Variants in MYO16 observed in about 807,000 individuals in gnomAD.
The protein encoded by MYO16 is unconventional myosin-XVI.
A neutral mutation model predicts 205.3 loss-of-function variants in MYO16; 94 were observed. The observed-to-expected ratio is 0.46, with a 90% CI of 0.39 to 0.54. MYO16 has a LOEUF of 0.54. Among genes scored for constraint, MYO16 ranks in the 20% least tolerant of loss-of-function variants. MYO16 has a pLI of 0.00. For synonymous variants in MYO16, 988 were observed against 954.0 expected, an observed-to-expected ratio of 1.04 and a Z score of -0.66; for missense variants, 2,315 against 2,387.5, an observed-to-expected ratio of 0.97 and a Z score of 0.63.
chr13:109,158,256 T>TGTC (rs1427145073), intron 32 of MYO16, among the ~76,000 whole-genome samples: 1 of 152,206 alleles, frequency 6.6e-6, no homozygotes, highest in East Asian at 1.9e-4. Context: ...TTATGCTCCC[T>TGTC]GTCTTTCTCC....
chr13:108,685,526 T>C (rs886633795), intron 2 of MYO16, among the ~76,000 whole-genome samples: 1 of 152,188 alleles, frequency 6.6e-6, no homozygotes, highest in Admixed American at 6.5e-5. Context: ...GAAGTGTTTG[T>C]GTTGAGTGTT....
At chr13:108,535,104 T>C in the MYO16 span, among the ~76,000 whole-genome samples, 2 of 150,176 alleles carry the variant, frequency 1.3e-5, no homozygotes, top group Admixed American at 6.7e-5. Flanking sequence ...CTTCCCTCCT[T>C]CTCCTCCTCC....
At chr13:108,798,595 C>T (rs1026673802) in intron 6 of MYO16, among the ~76,000 whole-genome samples, 4 of 150,824 alleles carry the variant, frequency 2.7e-5, no homozygotes, top group Admixed American at 6.6e-5. Context: ...AATATTAATG[C>T]GATAACTGGC....
intron 14 of MYO16, among the ~76,000 whole-genome samples, chr13:108,893,793 C>T (rs1332931856): frequency 6.6e-6 from 1 of 152,072 alleles, no homozygotes; most frequent in Non-Finnish European, 1.5e-5. Flanking sequence ...CTGTACATTC[C>T]ACTGAGAGAG....
chr13:109,086,877 G>C (rs569533137), intron 27 of MYO16, among the ~76,000 whole-genome samples: 3 of 152,170 alleles, frequency 2.0e-5, no homozygotes, highest in African/African-American at 7.2e-5. Context: ...TGATCATTCT[G>C]ATATGTTCTG....
intron 16 of MYO16, among the ~76,000 whole-genome samples, chr13:108,947,185 C>T (rs144415950): frequency 2.6e-5 from 4 of 152,218 alleles, no homozygotes; most frequent in Non-Finnish European, 4.4e-5. Flanking sequence ...CTATGTTAGT[C>T]GGTATTTAAG....
chr13:108,496,274 C>A, the MYO16 span, among the ~76,000 whole-genome samples: 29 of 152,328 alleles, frequency 1.9e-4, no homozygotes, highest in Non-Finnish European at 3.5e-4. Context: ...CTGGCCATTT[C>A]GAGGGACGCG....
intron 7 of MYO16, among the ~76,000 whole-genome samples, chr13:108,816,910 C>G (rs1875644623): frequency 6.6e-6 from 1 of 152,020 alleles, no homozygotes; most frequent in Admixed American, 6.5e-5. Context: ...AATAAATGGA[C>G]AAGAAATTAT....
intron 7 of MYO16, among the ~76,000 whole-genome samples, chr13:108,819,470 TGGTTAG>T (rs1435426846): frequency 2.6e-5 from 4 of 152,084 alleles, no homozygotes; most frequent in Non-Finnish European, 5.9e-5. Flanking sequence ...AAGATATTAA[TGGTTAG>T]CCGAAAAGTC....
intron 22 of MYO16, among the ~76,000 whole-genome samples, chr13:109,018,316 T>C (rs1594473197): frequency 6.9e-6 from 1 of 144,288 alleles, no homozygotes; most frequent in Non-Finnish European, 1.5e-5. Context: ...ACAGCAAATA[T>C]TGCAGAACAG....
At chr13:109,024,733 A>C (rs1886304844) in intron 23 of MYO16, among the ~76,000 whole-genome samples, 1 of 152,122 alleles carries the variant, frequency 6.6e-6, no homozygotes, top group Admixed American at 6.6e-5. Flanking sequence ...TGGTTTTATA[A>C]AAATCTTTTA....
chr13:109,132,572 G>T (rs1025854438), intron 31 of MYO16, among the ~76,000 whole-genome samples: 11 of 152,264 alleles, frequency 7.2e-5, no homozygotes, highest in African/African-American at 2.4e-4. Context: ...CATTAAAAGA[G>T]AATTTGCTTC....
chr13:109,049,586 T>A (rs946977737), intron 24 of MYO16, among the ~76,000 whole-genome samples: 33 of 52,750 alleles, frequency 6.3e-4, no homozygotes, highest in African/African-American at 1.9e-3. Flanking sequence ...CTTTTTAAAT[T>A]TTTTTTTGTA....
At chr13:109,163,400 AG>A (rs2139872661) in intron 32 of MYO16, among the ~76,000 whole-genome samples, 1 of 152,294 alleles carries the variant, frequency 6.6e-6, no homozygotes, top group Non-Finnish European at 1.5e-5. Context: ...AGGAGTTAAG[AG>A]GGACCAAGTC....
At chr13:108,933,856 C>G (rs904281341) in intron 16 of MYO16, among the ~76,000 whole-genome samples, 1 of 152,046 alleles carries the variant, frequency 6.6e-6, no homozygotes, top group Non-Finnish European at 1.5e-5. Context: ...GTGATATTTG[C>G]TTTTCTGTTT....
intron 27 of MYO16, among the ~76,000 whole-genome samples, chr13:109,089,316 C>A (rs993764774): frequency 6.6e-6 from 1 of 151,898 alleles, no homozygotes; most frequent in Admixed American, 6.6e-5. Flanking sequence ...TGGGTTCCAG[C>A]GATTCTCCTG....
intron 10 of MYO16, among the ~76,000 whole-genome samples, chr13:108,853,827 C>G (rs1305974052): frequency 6.6e-6 from 1 of 151,728 alleles, no homozygotes; most frequent in African/African-American, 2.4e-5. Flanking sequence ...ATTGTGTTTC[C>G]TGCTTATAGA....
At chr13:108,782,956 A>C (rs1384590399) in intron 4 of MYO16, among the ~76,000 whole-genome samples, 2 of 152,338 alleles carry the variant, frequency 1.3e-5, no homozygotes, top group East Asian at 3.9e-4. Context: ...CGAGGCCCTC[A>C]TGGAGAACCT....
the MYO16 span, among the ~76,000 whole-genome samples, chr13:108,566,588 T>C: frequency 6.6e-6 from 1 of 150,766 alleles, no homozygotes; most frequent in Non-Finnish European, 1.5e-5. Context: ...GCAGAGATCA[T>C]GCCGTTGCAC....
Sources: gnomAD v4.1 joint callset for allele counts (sites outside exome capture counted in the v4.1 genomes callset) on GRCh38, gnomAD v4.1.1 for gene constraint, MANE v1.5 for transcripts, NCBI Gene and HGNC (gene_info 2026-07-23, HGNC 2026-07-21) for gene names.